The following AKAP12 variants were observed in gnomAD, a reference collection of about 807,000 sequenced individuals.
AKAP12 encodes the protein A-kinase anchor protein 12.
Under a neutral mutation model 79.9 loss-of-function variants are expected in AKAP12, and 32 were observed. The ratio of observed to expected loss-of-function variants is 0.40; its 90% CI spans 0.30 to 0.54. The LOEUF is 0.54. AKAP12 is among the 20% of genes least tolerant of loss of function. AKAP12 has a pLI of 0.48. For synonymous variants in AKAP12, 808 were observed against 857.0 expected, an observed-to-expected ratio of 0.94 and a Z score of 1.00; for missense variants, 2,074 against 2,177.0, an observed-to-expected ratio of 0.95 and a Z score of 0.94.
chr6:151,291,334 TG>T (rs1304025773), intron 2 of AKAP12, among the ~76,000 whole-genome samples: 1 of 152,210 alleles, frequency 6.6e-6, no homozygotes, highest in Non-Finnish European at 1.5e-5. Context: ...GTCTCACAGC[TG>T]ATGAGTGGCT....
intron 2 of AKAP12, among the ~76,000 whole-genome samples, chr6:151,241,480 G>C (rs1796975520): frequency 1.3e-5 from 2 of 152,350 alleles, no homozygotes; most frequent in South Asian, 4.1e-4. Context: ...AAAGGATGGG[G>C]TCAGTGTAAC....
intron 2 of AKAP12, among the ~76,000 whole-genome samples, chr6:151,301,668 G>A (rs563008980): frequency 6.6e-6 from 1 of 152,258 alleles, no homozygotes; most frequent in Admixed American, 6.5e-5. Context: ...CATTTTGTGC[G>A]GATGTTGGTG....
rs888296037 is a variant in AKAP12 at position 151,251,221 on chromosome 6, G to A, written c.162+10497G>A. Reference sequence around the variant, plus strand: ...AATGAAAGAGGATAAGTTGCAGCCCGTCGATGTTAAGAGCTGCAGAGGCAA... The same window carrying A: ...AATGAAAGAGGATAAGTTGCAGCCCATCGATGTTAAGAGCTGCAGAGGCAA... On this transcript the variant is annotated intron_variant, in intron 2 of 4. Coordinates refer to ENST00000402676, the MANE Select transcript of AKAP12 (RefSeq NM_005100.4). 7.9e-5 allele frequency among the ~76,000 whole-genome samples: 12 copies of A among 152,316 alleles called. 1 individual carries two copies. Among genetic ancestry groups the A allele is most frequent in the South Asian group, 4.1e-4 (2 of 4,832 alleles).
chr6:151,318,813 C>T (rs1389963936), intron 3 of AKAP12, among the ~76,000 whole-genome samples: 1 of 152,104 alleles, frequency 6.6e-6, no homozygotes, highest in Non-Finnish European at 1.5e-5. Flanking sequence ...TGTGGTGTTG[C>T]ATGCCTGTAG....
intron 2 of AKAP12, among the ~76,000 whole-genome samples, chr6:151,255,537 C>T (rs1797275114): frequency 6.6e-6 from 1 of 151,978 alleles, no homozygotes; most frequent in African/African-American, 2.4e-5. Flanking sequence ...GTGGCTCATG[C>T]CTGTAATCCC....
chr6:151,299,086 A>T (rs1457011917), intron 2 of AKAP12, among the ~76,000 whole-genome samples: 1 of 152,174 alleles, frequency 6.6e-6, no homozygotes, highest in East Asian at 1.9e-4. Flanking sequence ...CATAGGATAC[A>T]TGTGTTCTCT....
intron 3 of AKAP12, among the ~76,000 whole-genome samples, chr6:151,348,070 G>A (rs543383575): frequency 2.6e-5 from 4 of 151,864 alleles, no homozygotes; most frequent in African/African-American, 7.2e-5. Flanking sequence ...GGAGAATGGC[G>A]TGAACCCAGG....
chr6:151,353,702 G>A lies in AKAP12; in HGVS notation c.5311G>A (p.Glu1771Lys). 6.2e-7 allele frequency: 1 copy of A among 1,604,992 alleles called. No individual in the cohort carries two copies. Residue 1771 changes from glutamate to lysine, a missense_variant, in exon 4 of 5, where the codon GAG (glutamate) becomes AAG (lysine). Physicochemically the swap from Glu to Lys is moderately conservative, Grantham distance 56 (BLOSUM62 1). Transcript: ENST00000402676. The stretch of plus-strand genomic sequence containing the variant: ...AGCACAGGAGGAGTTACAGAAACAA[G>A]AGAGAGAATCTGCAAAGTCAGAACT... ...PQAQEELQKQERESAKSELTE... is the reference protein window; with the variant it reads ...PQAQEELQKQKRESAKSELTE...
Position 151,305,784 on chromosome 6 carries a change from G to C in AKAP12, c.200G>C (p.Gly67Ala). 1 of 1,613,816 alleles carries C rather than the reference G, an allele frequency of 6.2e-7. No homozygotes were observed. ...QKNGQLSTIN[G>A]VAEQDELSLQ... ...AATGGTCAGCTGTCCACCATCAATG[G>C]CGTAGCTGAGCAAGATGAGCTCAGC... is the stretch of plus-strand genomic sequence containing the variant. Residue 67 changes from glycine to alanine, a missense_variant, in exon 3 of 5, where the codon GGC (glycine) becomes GCC (alanine). By Grantham distance (60) the Gly-to-Ala change is moderately conservative. Coordinates refer to ENST00000402676, the MANE Select transcript of AKAP12 (RefSeq NM_005100.4).
intron 2 of AKAP12, among the ~76,000 whole-genome samples, chr6:151,260,084 A>G (rs1423630255): frequency 6.6e-6 from 1 of 152,186 alleles, no homozygotes; most frequent in Non-Finnish European, 1.5e-5. Flanking sequence ...AATCAGGTGC[A>G]TATAGAAATA....
chr6:151,245,839 T>C (rs909630819), intron 2 of AKAP12, among the ~76,000 whole-genome samples: 2 of 152,200 alleles, frequency 1.3e-5, no homozygotes, highest in African/African-American at 2.4e-5. Flanking sequence ...GCCAATATGA[T>C]GGCTTCTTAC....
rs1422252641 is a variant in AKAP12 at position 151,281,592 on chromosome 6, T to C, written c.163-24155T>C. ...AAATCCTAACTCAACCCATTGTATTTTGATGATGCTATATAGAATTTTAAG... is the reference window on the plus strand; with the variant it reads ...AAATCCTAACTCAACCCATTGTATTCTGATGATGCTATATAGAATTTTAAG... On this transcript the variant is annotated intron_variant, in intron 2 of 4. Coordinates refer to ENST00000402676, the MANE Select transcript of AKAP12 (RefSeq NM_005100.4). Among the ~76,000 whole-genome samples the C allele has an allele frequency of 3.3e-5, 5 of 152,234 alleles. No homozygotes were observed. The East Asian group carries it at 9.6e-4, about 29-fold the overall frequency.
chr6:151,243,455 G>A (rs1797015727), intron 2 of AKAP12, among the ~76,000 whole-genome samples: 1 of 152,180 alleles, frequency 6.6e-6, no homozygotes, highest in Admixed American at 6.5e-5. Context: ...TATCTGAACA[G>A]ACATTACACT....
chr6:151,310,991 A>T (rs1233977899), intron 3 of AKAP12, among the ~76,000 whole-genome samples: 1 of 152,008 alleles, frequency 6.6e-6, no homozygotes, highest in African/African-American at 2.4e-5. Context: ...TTTTTTAAAG[A>T]GGCCCTTGCT....
At chr6:151,282,733 G>A (rs557566729) in intron 2 of AKAP12, among the ~76,000 whole-genome samples, 35 of 152,220 alleles carry the variant, frequency 2.3e-4, no homozygotes, top group Admixed American at 2.2e-3. Flanking sequence ...CTGATTCCCC[G>A]ACTTCTCTTG....
chr6:151,307,379 T>G (rs879585061), intron 3 of AKAP12, among the ~76,000 whole-genome samples: 4 of 152,164 alleles, frequency 2.6e-5, no homozygotes, highest in Non-Finnish European at 4.4e-5. Context: ...GCCTAGCCCC[T>G]GCAAAGAGTT....
chr6:151,327,134 TA>T lies in AKAP12; in HGVS notation c.319+21233del, dbSNP rs1323212053. Among the ~76,000 whole-genome samples, 4 of 151,450 alleles carry T rather than the reference TA, an allele frequency of 2.6e-5. No individual in the cohort carries two copies. The East Asian group carries it at 7.7e-4, about 29-fold the overall frequency. ...CTGGCCTACATTTTTTTTTTTTTTT[TA>T]ATCAACTGTAGAATTTCTAGGACTT... On this transcript the variant is annotated intron_variant, in intron 3 of 4. Transcript: ENST00000402676.
intron 3 of AKAP12, among the ~76,000 whole-genome samples, chr6:151,311,124 C>T (rs143502080): frequency 2.1e-4 from 32 of 152,288 alleles, no homozygotes; most frequent in Admixed American, 5.9e-4. Context: ...TGTGCCACTG[C>T]GCCAGATAGT....
At chr6:151,332,964 A>G (rs1777715073) in intron 3 of AKAP12, among the ~76,000 whole-genome samples, 1 of 152,314 alleles carries the variant, frequency 6.6e-6, no homozygotes, top group South Asian at 2.1e-4. Flanking sequence ...TCAATCACAC[A>G]TGAGTTAAAA....
Sources: gnomAD v4.1 joint callset for allele counts (sites outside exome capture counted in the v4.1 genomes callset) on GRCh38, gnomAD v4.1.1 for gene constraint, MANE v1.5 for transcripts, NCBI Gene and HGNC (gene_info 2026-07-23, HGNC 2026-07-21) for gene names.